The following ZNF169 variants were observed in gnomAD, a reference collection of about 807,000 sequenced individuals.
The protein encoded by ZNF169 is zinc finger protein 169.
In ZNF169, 11 loss-of-function variants were observed where a neutral mutation model predicts 12.0. The ratio of observed to expected loss-of-function variants is 0.92; its 90% CI spans 0.58 to 1.52. The LOEUF (loss-of-function observed/expected upper bound fraction) is 1.52. ZNF169 is among the 40% of genes most tolerant of loss of function. The pLI is 0.00. For synonymous variants in ZNF169, 302 were observed against 286.5 expected (o/e 1.05, Z -0.55); for missense variants, 722 against 744.0 (o/e 0.97, Z 0.34).
rs1292383827 is a variant in ZNF169 at position 94,270,851 on chromosome 9, AAAT to A, written c.-55-7905_-55-7903del. Reference sequence around the variant, plus strand: ...ATAAAATATATATATTATATTATATAAATATATATAATAATATATATATTATAT... The same window carrying A: ...ATAAAATATATATATTATATTATATAATATATAATAATATATATATTATAT... On this transcript the variant is annotated intron_variant, in intron 1 of 4. Transcript: ENST00000395395. Among the ~76,000 whole-genome samples, 17 of 4,394 alleles carry A rather than the reference AAAT, an allele frequency of 3.9e-3. 1 individual carries two copies. In the East Asian group the frequency reaches 0.13, roughly 34 times the overall value. The allele number at this position is 4,394 out of a possible 152,430, so 2.9% of individuals were successfully genotyped here. A position where few individuals can be genotyped will look rare whatever the true frequency, so the allele number is the denominator to read the frequency against.
intron 1 of ZNF169, among the ~76,000 whole-genome samples, chr9:94,261,182 C>T (rs1830201982): frequency 6.6e-6 from 1 of 152,158 alleles, no homozygotes; most frequent in Non-Finnish European, 1.5e-5. Flanking sequence ...GCTGGGACTA[C>T]AGGCACGCGC....
intron 1 of ZNF169, among the ~76,000 whole-genome samples, chr9:94,263,211 A>G (rs1462465163): frequency 6.6e-6 from 1 of 152,134 alleles, no homozygotes; most frequent in Non-Finnish European, 1.5e-5. Context: ...GGAATTGCCA[A>G]TTTCTCCATC....
intron 1 of ZNF169, among the ~76,000 whole-genome samples, chr9:94,263,520 CT>C (rs34318453): frequency 0.59 from 85,414 of 145,566 alleles, 24,800 homozygotes; most frequent in Middle Eastern, 0.67. Flanking sequence ...TTAGGTCTTG[CT>C]TTTTTTTTTT....
chr9:94,300,566 C>T lies in ZNF169; in HGVS notation c.1008C>T (p.His336=). Residue 336 remains histidine, a synonymous_variant, in exon 5 of 5, where the codon CAC becomes CAT. Coordinates refer to ENST00000395395, the MANE Select transcript of ZNF169 (RefSeq NM_194320.4). ...GCCAGAAGATAGCCCTCCTTCTACA[C>T]CAGAGGACGCACTTGGAGGAGAAGC... ...GFRQKIALLL[H]QRTHLEEKPF... is the part of the protein sequence containing the mutation. The T allele has an allele frequency of 6.2e-7, 1 of 1,614,148 alleles. No homozygotes were observed. The highest frequency in any genetic ancestry group is 8.5e-7 in the Non-Finnish European group (1 of 1,180,008).
chr9:94,292,119 A>T (rs995182768), intron 2 of ZNF169, among the ~76,000 whole-genome samples: 1 of 152,222 alleles, frequency 6.6e-6, no homozygotes, highest in Non-Finnish European at 1.5e-5. Flanking sequence ...TGTGTGTTTG[A>T]TCAGCACAAC....
At chr9:94,289,534 A>G (rs1830787718) in intron 2 of ZNF169, among the ~76,000 whole-genome samples, 2 of 152,206 alleles carry the variant, frequency 1.3e-5, no homozygotes, top group Admixed American at 6.5e-5. Context: ...TCACGCCTGT[A>G]ATCCCAGCAC....
chr9:94,277,931 C>CAAA, intron 1 of ZNF169, among the ~76,000 whole-genome samples: 1 of 86,596 alleles, frequency 1.2e-5, no homozygotes, highest in African/African-American at 4.5e-5. Flanking sequence ...GACTCCGACT[C>CAAA]AAAAAAAAAA....
chr9:94,287,947 ACTT>A, intron 2 of ZNF169: 1 of 842,812 alleles, frequency 1.2e-6, no homozygotes, highest in Non-Finnish European at 2.1e-6. Flanking sequence ...GCAGTCTCCA[ACTT>A]CTTGTTCACC....
rs759047228 is a variant in ZNF169, at chr9:94,300,005, C to T, written c.447C>T (p.Pro149=). Residue 149 remains proline, a synonymous_variant, in exon 5 of 5, where the codon CCC becomes CCT. Coordinates refer to ENST00000395395, the MANE Select transcript of ZNF169 (RefSeq NM_194320.4). The stretch of plus-strand genomic sequence containing the variant: ...GAGAAAGTGGAGAGACAGAAGGCCC[C>T]GACAGCTCATTAAGAAAGAGGCCAA... ...EKGESGETEG[P]DSSLRKRPSR... is the part of the protein sequence containing the mutation. 3.0e-5 allele frequency: 49 copies of T among 1,613,904 alleles called. No homozygotes were observed. In the South Asian group the frequency reaches 3.4e-4, roughly 11 times the overall value.
At chr9:94,273,563 A>G (rs942120629) in intron 1 of ZNF169, among the ~76,000 whole-genome samples, 1 of 141,762 alleles carries the variant, frequency 7.1e-6, no homozygotes, top group Non-Finnish European at 1.5e-5. Flanking sequence ...ATTTAAAGCT[A>G]TAACTTTCTT....
In ZNF169 at chr9:94,292,334, G is replaced by A. The variant is rs766786473; in HGVS notation, c.34-7G>A. The A allele has an allele frequency of 6.2e-7, 1 of 1,614,000 alleles. No homozygotes were observed. The highest frequency in any genetic ancestry group is 1.7e-5 in the Admixed American group (1 of 60,004). ...GTTGAGTGAGCAGGGATGTGTTTGT[G>A]TTACAGGCATTGATGGCCTTCCGGG... is the stretch of plus-strand genomic sequence containing the variant. On this transcript the variant is annotated splice_region_variant and splice_polypyrimidine_tract_variant and intron_variant, in intron 2 of 4. Transcript: ENST00000395395.
chr9:94,299,026 G>A (rs1439594908), intron 4 of ZNF169, among the ~76,000 whole-genome samples: 3 of 152,160 alleles, frequency 2.0e-5, no homozygotes, highest in African/African-American at 2.4e-5. Context: ...ACTTTCAAAC[G>A]CTGAGCTTCT....
chr9:94,279,588 C>G (rs1221718617), intron 2 of ZNF169, among the ~76,000 whole-genome samples: 1 of 141,246 alleles, frequency 7.1e-6, no homozygotes, highest in Admixed American at 7.3e-5. Flanking sequence ...TGCAGTGAGC[C>G]GAGATTGCGC....
chr9:94,272,383 C>G (rs532230860), intron 1 of ZNF169, among the ~76,000 whole-genome samples: 1 of 152,188 alleles, frequency 6.6e-6, no homozygotes, highest in South Asian at 2.1e-4. Flanking sequence ...CAACAGAGCT[C>G]TAGAACTTTT....
intron 2 of ZNF169, among the ~76,000 whole-genome samples, chr9:94,286,924 A>G (rs771217980): frequency 2.3e-4 from 35 of 152,184 alleles, no homozygotes; most frequent in Admixed American, 5.2e-4. Context: ...GTGAGGATGA[A>G]CTGGGGTGGG....
In ZNF169 at chr9:94,278,857, A is replaced by G. The variant is rs970022111; in HGVS notation, c.33+12A>G. 6.2e-7 allele frequency: 1 copy of G among 1,613,552 alleles called. No individual in the cohort carries two copies. Among genetic ancestry groups the G allele is most frequent in the African/African-American group, 1.3e-5 (1 of 74,884 alleles). On this transcript the variant is annotated intron_variant, in intron 2 of 4. Coordinates refer to ENST00000395395, the MANE Select transcript of ZNF169 (RefSeq NM_194320.4). ...CAACCAGGAAGGAGGTAAGTCCTGA[A>G]ATTTCTTCCTAGCTATTGCAGGAAG...
intron 2 of ZNF169, among the ~76,000 whole-genome samples, chr9:94,279,186 G>A (rs1830576882): frequency 6.6e-6 from 1 of 152,066 alleles, no homozygotes; most frequent in African/African-American, 2.4e-5. Flanking sequence ...GAGGTCAGGA[G>A]TTCGAGGGCA....
intron 4 of ZNF169, chr9:94,296,994 C>A (rs1830966422): frequency 2.8e-6 from 1 of 356,830 alleles, no homozygotes; most frequent in Non-Finnish European, 5.5e-6. Context: ...TTGCAGTGAG[C>A]CGAGATCACA....
chr9:94,286,462 G>A (rs1329091690), intron 2 of ZNF169, among the ~76,000 whole-genome samples: 1 of 152,090 alleles, frequency 6.6e-6, no homozygotes, highest in Non-Finnish European at 1.5e-5. Flanking sequence ...CAAATCTCAG[G>A]TTAAATTTTA....
Sources: gnomAD v4.1 joint callset for allele counts (sites outside exome capture counted in the v4.1 genomes callset) on GRCh38, gnomAD v4.1.1 for gene constraint, MANE v1.5 for transcripts, NCBI Gene and HGNC (gene_info 2026-07-23, HGNC 2026-07-21) for gene names.